The following CDH18 variants were observed in gnomAD, a reference collection of about 807,000 sequenced individuals.
The protein encoded by CDH18 is cadherin 18.
In CDH18, 31 loss-of-function variants were observed where a neutral mutation model predicts 67.9. The ratio of observed to expected loss-of-function variants is 0.46; its 90% CI spans 0.34 to 0.62. The LOEUF is 0.62. Among genes scored for constraint, CDH18 ranks in the 20% least tolerant of loss-of-function variants. The pLI is 0.01. For synonymous variants in CDH18, 362 were observed against 347.2 expected, an observed-to-expected ratio of 1.04 and a Z score of -0.48; for missense variants, 890 against 975.5, an observed-to-expected ratio of 0.91 and a Z score of 1.17.
At chr5:20,337,506 A>G (rs527734732) in intron 1 of CDH18, among the ~76,000 whole-genome samples, 4 of 152,288 alleles carry the variant, frequency 2.6e-5, no homozygotes, top group African/African-American at 9.6e-5. Flanking sequence ...GGGCAGGGGC[A>G]AAATGACACC....
At chr5:20,297,045 G>T (rs1031657015) in intron 1 of CDH18, among the ~76,000 whole-genome samples, 4 of 151,442 alleles carry the variant, frequency 2.6e-5, no homozygotes, top group Non-Finnish European at 4.4e-5. Context: ...ATCTATCTCC[G>T]ATCTAACTAG....
At chr5:20,172,717 A>G (rs1033333715) in intron 2 of CDH18, among the ~76,000 whole-genome samples, 2 of 152,128 alleles carry the variant, frequency 1.3e-5, no homozygotes. Context: ...GTCGGCAGGC[A>G]TGGTGGCTCA....
chr5:19,898,230 C>A (rs1318777220), intron 2 of CDH18, among the ~76,000 whole-genome samples: 1 of 151,718 alleles, frequency 6.6e-6, no homozygotes, highest in Non-Finnish European at 1.5e-5. Context: ...CATATCTTTT[C>A]ATTATGTAAT....
chr5:19,896,463 C>T lies in CDH18; in HGVS notation c.-256-57221G>A, dbSNP rs531264858. Among the ~76,000 whole-genome samples, 8 of 152,260 alleles carry T rather than the reference C, an allele frequency of 5.3e-5. No individual in the cohort carries two copies. The South Asian group carries it at 1.7e-3, about 32-fold the overall frequency. Reference sequence around the variant, plus strand: ...AGAGAGGCAAGGGGCTAGGTACACACATAAAAGATGAGGCTGTGTGATCAC... The same window carrying T: ...AGAGAGGCAAGGGGCTAGGTACACATATAAAAGATGAGGCTGTGTGATCAC... On this transcript the variant is annotated intron_variant, in intron 2 of 12. Coordinates refer to ENST00000382275, the MANE Select transcript of CDH18 (RefSeq NM_004934.5).
Position 19,584,666 on chromosome 5 carries a change from G to A in CDH18, c.999+6391C>T, listed in dbSNP as rs539648672. ...TACATTAAAAAATATGTTCAAGGGA[G>A]GCCAGATGCAGTGGCTCACACCTGT... is the stretch of plus-strand genomic sequence containing the variant. On this transcript the variant is annotated intron_variant, in intron 7 of 12. Coordinates refer to ENST00000382275, the MANE Select transcript of CDH18 (RefSeq NM_004934.5). Among the ~76,000 whole-genome samples, 4 of 151,614 alleles carry A rather than the reference G, an allele frequency of 2.6e-5. No individual in the cohort carries two copies. The South Asian group carries it at 6.2e-4, about 24-fold the overall frequency.
At chr5:19,721,216 AAGTG>A in intron 5 of CDH18, 127 bp downstream of exon 5, 1 of 827,138 alleles carries the variant, frequency 1.2e-6, no homozygotes, top group African/African-American at 1.7e-5. Context: ...GTTTTAGAAA[AAGTG>A]AGGATATGTT....
At chr5:19,766,714 T>C (rs1345134007) in intron 3 of CDH18, among the ~76,000 whole-genome samples, 1 of 152,178 alleles carries the variant, frequency 6.6e-6, no homozygotes, top group Non-Finnish European at 1.5e-5. Context: ...CTGTATAATC[T>C]GGCTTTAAAA....
At chr5:19,842,648 G>A (rs1023939152) in intron 2 of CDH18, among the ~76,000 whole-genome samples, 1 of 152,124 alleles carries the variant, frequency 6.6e-6, no homozygotes, top group Non-Finnish European at 1.5e-5. Flanking sequence ...GTGGGGTGCT[G>A]TTATAAAGAT....
chr5:19,545,807 T>C (rs1736216609), intron 8 of CDH18, among the ~76,000 whole-genome samples: 1 of 152,156 alleles, frequency 6.6e-6, no homozygotes, highest in African/African-American at 2.4e-5. Flanking sequence ...AAGTCAAATA[T>C]GGGTATGGAA....
intron 4 of CDH18, among the ~76,000 whole-genome samples, chr5:19,723,275 A>G (rs1766354462): frequency 6.6e-6 from 1 of 152,272 alleles, no homozygotes; most frequent in Admixed American, 6.5e-5. Flanking sequence ...GTCTCAAAAA[A>G]AAAAAGAAAG....
intron 5 of CDH18, among the ~76,000 whole-genome samples, chr5:19,613,240 T>A (rs1446304321): frequency 1.3e-5 from 2 of 152,142 alleles, no homozygotes; most frequent in African/African-American, 4.8e-5. Context: ...CAATTTGAGC[T>A]CCTCAGAAGT....
At chr5:20,137,184 C>T (rs1239783908) in intron 2 of CDH18, among the ~76,000 whole-genome samples, 1 of 152,130 alleles carries the variant, frequency 6.6e-6, no homozygotes, top group African/African-American at 2.4e-5. Context: ...TGTTTTCCAA[C>T]TTGGTTCCAT....
intron 1 of CDH18, among the ~76,000 whole-genome samples, chr5:20,315,285 A>G (rs1737361866): frequency 6.6e-6 from 1 of 151,688 alleles, no homozygotes; most frequent in African/African-American, 2.4e-5. Flanking sequence ...ATACAGTGCT[A>G]CTCTTCATTG....
intron 2 of CDH18, among the ~76,000 whole-genome samples, chr5:20,053,324 C>A (rs1251467536): frequency 6.6e-6 from 1 of 151,742 alleles, no homozygotes; most frequent in Non-Finnish European, 1.5e-5. Context: ...TACACACACA[C>A]ACACACAAAG....
At chr5:19,612,872 G>A (rs1749219710) in intron 5 of CDH18, among the ~76,000 whole-genome samples, 3 of 152,096 alleles carry the variant, frequency 2.0e-5, no homozygotes, top group Admixed American at 6.5e-5. Flanking sequence ...CGGATGCGGT[G>A]GCTCACGCCT....
intron 2 of CDH18, among the ~76,000 whole-genome samples, chr5:19,960,746 T>G (rs1239270768): frequency 7.5e-6 from 1 of 132,890 alleles, no homozygotes; most frequent in Non-Finnish European, 1.5e-5. Context: ...CGTATACACG[T>G]GTATATATAT....
intron 3 of CDH18, among the ~76,000 whole-genome samples, chr5:19,792,304 C>T (rs996197093): frequency 1.3e-5 from 2 of 152,128 alleles, no homozygotes; most frequent in African/African-American, 2.4e-5. Context: ...TCCTGCCCTC[C>T]GACCTCAGAG....
At chr5:19,767,030 TATG>T (rs1469772300) in intron 3 of CDH18, among the ~76,000 whole-genome samples, 6 of 151,816 alleles carry the variant, frequency 4.0e-5, no homozygotes, top group East Asian at 3.9e-4. Context: ...AAAAATAAAA[TATG>T]ATAATTGAAA....
intron 1 of CDH18, among the ~76,000 whole-genome samples, chr5:20,501,594 T>TTATATA (rs370110007): frequency 5.7e-5 from 2 of 35,278 alleles, no homozygotes; most frequent in South Asian, 5.8e-4. Context: ...TATATATATA[T>TTATATA]TATATATATA....
Sources: allele counts gnomAD v4.1 joint callset (sites outside exome capture counted in the v4.1 genomes callset), GRCh38; gene constraint gnomAD v4.1.1; transcripts MANE v1.5; gene names NCBI Gene and HGNC (gene_info 2026-07-23, HGNC 2026-07-21).